Variants in XPO1 observed in about 807,000 individuals in gnomAD.
The protein encoded by XPO1 is exportin-1.
XPO1 carries 5 observed loss-of-function variants against 133.3 expected under a neutral mutation model. The observed-to-expected ratio is 0.04, with a 90% CI of 0.02 to 0.08. XPO1 has a LOEUF of 0.08. XPO1 is among the 10% of genes least tolerant of loss of function. The pLI, the probability that XPO1 is intolerant of heterozygous loss-of-function variation, is 1.00. For synonymous variants in XPO1, 419 were observed against 408.2 expected, an observed-to-expected ratio of 1.03 and a Z score of -0.32; for missense variants, 506 against 1,267.5, an observed-to-expected ratio of 0.40 and a Z score of 9.12.
At chr2:61,517,812 G>A (rs925607664) in intron 4 of XPO1, among the ~76,000 whole-genome samples, 2 of 152,020 alleles carry the variant, frequency 1.3e-5, no homozygotes, top group Non-Finnish European at 2.9e-5. Context: ...ATGGTGGTGC[G>A]GACCTACAGT....
chr2:61,495,825 G>C (rs1351733477), intron 10 of XPO1, among the ~76,000 whole-genome samples: 13 of 151,758 alleles, frequency 8.6e-5, no homozygotes, highest in Non-Finnish European at 1.5e-5. Context: ...ATGTGCCATC[G>C]CACTAAGCTT....
chr2:61,502,488 G>A (rs1431147209), intron 4 of XPO1, 178 bp from the exon 5 acceptor site: 11 of 550,820 alleles, frequency 2.0e-5, no homozygotes, highest in African/African-American at 7.8e-5. Flanking sequence ...GGTGGCTCAC[G>A]CTTGTAATCC....
chr2:61,492,223 A>G lies in XPO1; in HGVS notation c.1724-25T>C. 1.2e-6 allele frequency: 2 copies of G among 1,611,730 alleles called. No individual in the cohort carries two copies. Among genetic ancestry groups the G allele is most frequent in the Non-Finnish European group, 8.5e-7 (1 of 1,178,756 alleles). ...TCTAACAAGACAAAAATATTCATTT[A>G]TTTTGTCCTGGACTCCATCATGGGT... On this transcript the variant is annotated intron_variant, in intron 15 of 24. Transcript: ENST00000401558. The surrounding 1 kb of genome is among the most constrained non-coding windows in gnomAD (Gnocchi z 5.6).
At chr2:61,487,252 T>C (rs576319127) in intron 19 of XPO1, among the ~76,000 whole-genome samples, 2 of 152,296 alleles carry the variant, frequency 1.3e-5, no homozygotes, top group South Asian at 4.1e-4. Context: ...TTACAAAAGA[T>C]GATACCCTTT....
At chr2:61,507,563 T>G (rs1024835526) in intron 4 of XPO1, among the ~76,000 whole-genome samples, 2 of 151,744 alleles carry the variant, frequency 1.3e-5, no homozygotes, top group Admixed American at 6.6e-5. Context: ...AGAGGGGATC[T>G]CTGTCTCTTT....
At chr2:61,534,081 C>A in intron 1 of XPO1, 178 bp from the exon 2 acceptor site, 1 of 553,614 alleles carries the variant, frequency 1.8e-6, no homozygotes, top group Non-Finnish European at 2.8e-6. Context: ...AATTACTTAG[C>A]TATTTGATAA....
intron 20 of XPO1, 189 bp from the exon 21 acceptor site, chr2:61,484,294 G>A (rs1696559475): frequency 1.9e-5 from 10 of 530,148 alleles, no homozygotes; most frequent in South Asian, 9.9e-5. Flanking sequence ...AAACTGTCCC[G>A]TTACGCACAT....
rs1312388614 is a variant in XPO1, at chr2:61,485,483, C to CCCG, written c.2508+284_2508+285insCGG. ...TCCCAGGCTCAAGTGACCCCCCCCC[C>CCCG]CACTTCAGCCTTTCGAGTAGTTGGG... On this transcript the variant is annotated intron_variant, in intron 20 of 24. Coordinates refer to ENST00000401558, the MANE Select transcript of XPO1 (RefSeq NM_003400.4). The CCCG allele has an allele frequency of 7.1e-5, 12 of 168,252 alleles. 2 individuals are homozygous for CCCG. The highest frequency in any genetic ancestry group is 2.0e-4 in the South Asian group (1 of 5,102). 10.4% of individuals were successfully genotyped at this position (168,252 alleles called of 1,614,324 possible). A position where few individuals can be genotyped will look rare whatever the true frequency, so the allele number is the denominator to read the frequency against.
chr2:61,535,626 C>T (rs528709889), intron 1 of XPO1, among the ~76,000 whole-genome samples: 1 of 152,202 alleles, frequency 6.6e-6, no homozygotes, highest in East Asian at 1.9e-4. Flanking sequence ...CAGATTAGAA[C>T]TCCAAAAGAT....
chr2:61,491,952 T>C (rs1014005338), intron 16 of XPO1, 83 bp downstream of exon 16: 1 of 1,465,178 alleles, frequency 6.8e-7, no homozygotes, highest in African/African-American at 1.4e-5. Flanking sequence ...GATCCAATAG[T>C]TGCCCTCCTA....
At chr2:61,529,704 T>C (rs547075038) in intron 2 of XPO1, among the ~76,000 whole-genome samples, 3 of 151,934 alleles carry the variant, frequency 2.0e-5, no homozygotes, top group East Asian at 1.9e-4. Context: ...ATGCTTATCC[T>C]GGCTTTGATG....
intron 4 of XPO1, among the ~76,000 whole-genome samples, chr2:61,519,766 C>CA (rs1698600406): frequency 6.9e-6 from 1 of 145,428 alleles, no homozygotes. Context: ...AACCTAAAAG[C>CA]AGATAAAACA....
chr2:61,481,587 C>T (rs902346522), intron 23 of XPO1, among the ~76,000 whole-genome samples: 5 of 152,114 alleles, frequency 3.3e-5, no homozygotes, highest in Admixed American at 2.6e-4. Flanking sequence ...GCTGGGATTA[C>T]AGGCATGCAC....
chr2:61,491,688 G>A (rs1475719226), intron 16 of XPO1, among the ~76,000 whole-genome samples: 1 of 152,152 alleles, frequency 6.6e-6, no homozygotes, highest in East Asian at 1.9e-4. Context: ...GAAGCTAGGA[G>A]TTCAAGACCA....
chr2:61,536,237 CT>C (rs978985886), intron 1 of XPO1: 1 of 152,212 alleles, frequency 6.6e-6, no homozygotes, highest in African/African-American at 2.4e-5. Flanking sequence ...GAAATGGCGG[CT>C]TTGTGGTCAA....
At chr2:61,518,115 G>C (rs1038293859) in intron 4 of XPO1, among the ~76,000 whole-genome samples, 4 of 151,162 alleles carry the variant, frequency 2.6e-5, no homozygotes, top group African/African-American at 7.3e-5. Context: ...GGGTGACAGA[G>C]AGGGACTCTG....
At chr2:61,495,746 A>G in intron 10 of XPO1, 133 bp from the exon 11 acceptor site, 2 of 859,132 alleles carry the variant, frequency 2.3e-6, no homozygotes, top group Admixed American at 7.5e-5. Context: ...ACCAAAGCTC[A>G]CTGCAGCCTC....
At chr2:61,484,406 AATC>A (rs1696567997) in intron 20 of XPO1, 2 of 278,796 alleles carry the variant, frequency 7.2e-6, no homozygotes, top group African/African-American at 4.5e-5. Flanking sequence ...TTTAATTTGA[AATC>A]ACCACTACAG....
intron 4 of XPO1, among the ~76,000 whole-genome samples, chr2:61,515,937 CCACACACACACACACACA>C (rs35237510): frequency 8.1e-5 from 9 of 110,762 alleles, no homozygotes; most frequent in Non-Finnish European, 1.4e-4. Flanking sequence ...AAAAAAAAAA[CCACACACACACACACACA>C]CACACACACA....
Sources: allele counts gnomAD v4.1 joint callset (sites outside exome capture counted in the v4.1 genomes callset), GRCh38; gene constraint gnomAD v4.1.1; non-coding constraint Gnocchi (gnomAD v3.1); transcripts MANE v1.5; gene names NCBI Gene and HGNC (gene_info 2026-07-23, HGNC 2026-07-21).